CA10: variants seen among roughly 807,000 people sequenced by gnomAD.
CA10 encodes the protein carbonic anhydrase 10 (inactive).
CA10 carries 14 observed loss-of-function variants against 44.2 expected under a neutral mutation model. That is an observed-to-expected ratio of 0.32 (90% CI 0.21 to 0.50). CA10 has a LOEUF of 0.50. Ranked by LOEUF, CA10 falls within the 20% of genes least tolerant of loss-of-function variation. The pLI is 0.99. For missense variants in CA10, 350 were observed against 409.7 expected (o/e 0.85, Z 1.26); for synonymous variants, 159 against 141.6 (o/e 1.12, Z -0.87).
intron 2 of CA10, among the ~76,000 whole-genome samples, chr17:52,022,694 T>C (rs1433580336): frequency 1.3e-5 from 2 of 152,090 alleles, no homozygotes; most frequent in South Asian, 2.1e-4. Context: ...GACATGATTT[T>C]ATATCTAGAC....
chr17:51,775,226 T>C (rs1419940747), intron 3 of CA10, among the ~76,000 whole-genome samples: 2 of 152,224 alleles, frequency 1.3e-5, no homozygotes, highest in Non-Finnish European at 2.9e-5. Flanking sequence ...TCTGGTTTAC[T>C]CTCTTGGCTG....
At chr17:51,950,737 C>G (rs1188402282) in intron 2 of CA10, among the ~76,000 whole-genome samples, 1 of 152,106 alleles carries the variant, frequency 6.6e-6, no homozygotes, top group African/African-American at 2.4e-5. Flanking sequence ...CAGACATTTA[C>G]TTTGAGCATG....
intron 1 of CA10, among the ~76,000 whole-genome samples, chr17:52,148,349 T>A (rs1989632998): frequency 6.6e-6 from 1 of 152,202 alleles, no homozygotes; most frequent in African/African-American, 2.4e-5. Context: ...TGACAATGTA[T>A]CCACTGATCT....
At chr17:51,724,680 C>G (rs1916458387) in intron 4 of CA10, among the ~76,000 whole-genome samples, 1 of 152,148 alleles carries the variant, frequency 6.6e-6, no homozygotes, top group Non-Finnish European at 1.5e-5. Context: ...ATTATCTGCT[C>G]TCTAAAGAGA....
intron 2 of CA10, among the ~76,000 whole-genome samples, chr17:52,015,640 G>A (rs1326915117): frequency 2.0e-5 from 3 of 152,052 alleles, no homozygotes; most frequent in Admixed American, 6.6e-5. Context: ...CTAAGCCTGT[G>A]GTACATAAAG....
intron 3 of CA10, among the ~76,000 whole-genome samples, chr17:51,906,609 A>G (rs918037285): frequency 6.6e-6 from 1 of 152,110 alleles, no homozygotes; most frequent in African/African-American, 2.4e-5. Flanking sequence ...ACAAATTTAT[A>G]TCTTCAGCCC....
intron 3 of CA10, among the ~76,000 whole-genome samples, chr17:51,856,710 C>T (rs570995981): frequency 2.0e-5 from 3 of 152,146 alleles, no homozygotes; most frequent in Non-Finnish European, 4.4e-5. Context: ...GATCCCTTTA[C>T]TACAAGCTGC....
chr17:51,883,386 G>T (rs950999467), intron 3 of CA10, among the ~76,000 whole-genome samples: 8 of 151,728 alleles, frequency 5.3e-5, no homozygotes, highest in Non-Finnish European at 1.2e-4. Context: ...ATTTCTTTGA[G>T]CTTTTTACAT....
intron 3 of CA10, among the ~76,000 whole-genome samples, chr17:51,767,702 T>G (rs1254499912): frequency 1.3e-5 from 2 of 151,782 alleles, no homozygotes; most frequent in Non-Finnish European, 2.9e-5. Context: ...CTCATCATAA[T>G]GTAAAAGCAG....
At chr17:52,010,508 G>A (rs764295814) in intron 2 of CA10, among the ~76,000 whole-genome samples, 2 of 151,858 alleles carry the variant, frequency 1.3e-5, no homozygotes, top group Admixed American at 6.6e-5. Context: ...TCAATCTAAG[G>A]GGAGTAACCT....
At chr17:52,003,382 A>C (rs936194294) in intron 2 of CA10, among the ~76,000 whole-genome samples, 1 of 151,706 alleles carries the variant, frequency 6.6e-6, no homozygotes, top group Non-Finnish European at 1.5e-5. Context: ...AGCAAATACC[A>C]CAGTACATTG....
intron 1 of CA10, among the ~76,000 whole-genome samples, chr17:52,123,873 T>C (rs556144372): frequency 2.4e-4 from 36 of 152,312 alleles, no homozygotes; most frequent in Non-Finnish European, 4.3e-4. Context: ...GAAAACCATA[T>C]TAAGATAGAT....
chr17:51,884,136 C>T (rs1980493380), intron 3 of CA10, among the ~76,000 whole-genome samples: 1 of 152,164 alleles, frequency 6.6e-6, no homozygotes, highest in African/African-American at 2.4e-5. Flanking sequence ...TTCTCACTAG[C>T]TCTTCTGTTG....
intron 4 of CA10, among the ~76,000 whole-genome samples, chr17:51,681,350 A>G (rs972972575): frequency 2.0e-5 from 3 of 152,190 alleles, no homozygotes; most frequent in African/African-American, 7.2e-5. Flanking sequence ...TTCTGATGCC[A>G]TCAGTGCTGC....
chr17:51,830,395 G>A (rs1598068034), intron 3 of CA10, among the ~76,000 whole-genome samples: 1 of 151,574 alleles, frequency 6.6e-6, no homozygotes, highest in Admixed American at 6.6e-5. Flanking sequence ...TCTCTCAGAT[G>A]TACCTGATTT....
chr17:52,135,575 C>T (rs112353743), intron 1 of CA10, among the ~76,000 whole-genome samples: 3 of 152,174 alleles, frequency 2.0e-5, no homozygotes, highest in African/African-American at 4.8e-5. Flanking sequence ...GCTCAGCGCA[C>T]GTTCCTATTC....
intron 2 of CA10, among the ~76,000 whole-genome samples, chr17:51,940,722 C>A (rs1260839502): frequency 4.0e-5 from 6 of 150,742 alleles, no homozygotes; most frequent in Admixed American, 4.0e-4. Flanking sequence ...GGTCAAAATT[C>A]AAAACTCAGG....
At position 51,907,426 on chromosome 17, in the gene CA10, T is replaced by C. The variant is rs1037318907; in HGVS notation, c.279+23564A>G. 4.6e-5 allele frequency among the ~76,000 whole-genome samples: 7 copies of C among 152,254 alleles called. No homozygotes were observed. The East Asian group carries it at 1.4e-3, about 29-fold the overall frequency. ...ACCCTGGCCTTTTTTCATTCTGTTT[T>C]ATTTATTAACTTACCACATTAAAAA... On this transcript the variant is annotated intron_variant, in intron 3 of 8. Coordinates refer to ENST00000451037, the MANE Select transcript of CA10 (RefSeq NM_020178.5).
intron 4 of CA10, among the ~76,000 whole-genome samples, chr17:51,733,882 A>T (rs1387264034): frequency 6.6e-6 from 1 of 152,190 alleles, no homozygotes; most frequent in Non-Finnish European, 1.5e-5. Flanking sequence ...TTAATTCTAC[A>T]AAGCAAAATG....
Sources: gnomAD v4.1 joint callset for allele counts (sites outside exome capture counted in the v4.1 genomes callset) on GRCh38, gnomAD v4.1.1 for gene constraint, MANE v1.5 for transcripts, NCBI Gene and HGNC (gene_info 2026-07-23, HGNC 2026-07-21) for gene names.